The following GFRAL variants were observed in gnomAD, a reference collection of about 807,000 sequenced individuals.
GFRAL encodes GDNF family receptor alpha-like.
In GFRAL, 36 loss-of-function variants were observed where a neutral mutation model predicts 45.4. The observed-to-expected ratio is 0.79, with a 90% confidence interval of 0.61 to 1.05. The LOEUF is 1.05. Among genes scored for constraint, GFRAL ranks in the 50% least tolerant of loss-of-function variants. GFRAL has a pLI of 0.00. For synonymous variants in GFRAL, 166 were observed against 154.1 expected, an observed-to-expected ratio of 1.08 and a Z score of -0.57; for missense variants, 507 against 467.5, an observed-to-expected ratio of 1.08 and a Z score of -0.78.
At chr6:55,354,389 T>C (rs548799141) in intron 5 of GFRAL, among the ~76,000 whole-genome samples, 2 of 152,056 alleles carry the variant, frequency 1.3e-5, no homozygotes, top group South Asian at 4.1e-4. Context: ...AAAAACGTCA[T>C]CTCCCTTCCT....
intron 6 of GFRAL, among the ~76,000 whole-genome samples, chr6:55,380,944 A>G (rs1768600043): frequency 6.6e-6 from 1 of 151,962 alleles, no homozygotes; most frequent in Non-Finnish European, 1.5e-5. Flanking sequence ...TTTGAGCAAA[A>G]GAATCAGGAA....
At chr6:55,343,738 A>G (rs1768001594) in intron 3 of GFRAL, among the ~76,000 whole-genome samples, 1 of 152,236 alleles carries the variant, frequency 6.6e-6, no homozygotes, top group Admixed American at 6.5e-5. Flanking sequence ...TGAATCCAGT[A>G]ACTGGTTTTT....
At chr6:55,395,076 G>A (rs984423308) in intron 6 of GFRAL, among the ~76,000 whole-genome samples, 31 of 149,886 alleles carry the variant, frequency 2.1e-4, no homozygotes, top group African/African-American at 5.7e-4. Context: ...CTCATCATTC[G>A]AAATGACTGT....
In GFRAL at chr6:55,373,039, C is replaced by CA. The variant is rs1338634238; in HGVS notation, c.952+13904dup. On this transcript the variant is annotated intron_variant, in intron 6 of 8. Transcript: ENST00000340465. ...CACAGACACCAAACACTAACACACC[C>CA]AAACCCCCACTATAAACCTACATAT... Among the ~76,000 whole-genome samples the CA allele has an allele frequency of 8.0e-5, 12 of 150,842 alleles. No individual in the cohort carries two copies. In the East Asian group the frequency reaches 2.4e-3, roughly 30 times the overall value.
chr6:55,398,262 ATAGT>A (rs1213168756), intron 6 of GFRAL, among the ~76,000 whole-genome samples: 1 of 152,296 alleles, frequency 6.6e-6, no homozygotes, highest in South Asian at 2.1e-4. Context: ...CTGTCTACTC[ATAGT>A]TAGTGTCAGG....
At chr6:55,365,362 A>C (rs1768346481) in intron 6 of GFRAL, among the ~76,000 whole-genome samples, 1 of 135,728 alleles carries the variant, frequency 7.4e-6, no homozygotes. Flanking sequence ...GGTTTTCTAG[A>C]TATACAATCA....
At chr6:55,336,790 C>G (rs888329508) in intron 3 of GFRAL, among the ~76,000 whole-genome samples, 2 of 152,052 alleles carry the variant, frequency 1.3e-5, no homozygotes, top group Non-Finnish European at 2.9e-5. Context: ...GACATCTTAC[C>G]TTTTCACCTG....
chr6:55,347,614 A>G (rs1768060147), intron 3 of GFRAL, among the ~76,000 whole-genome samples: 1 of 152,172 alleles, frequency 6.6e-6, no homozygotes, highest in Non-Finnish European at 1.5e-5. Context: ...AAGGATGAAT[A>G]ATTAATATTT....
At chr6:55,329,293 G>T (rs749291602) in intron 1 of GFRAL, among the ~76,000 whole-genome samples, 5 of 152,056 alleles carry the variant, frequency 3.3e-5, no homozygotes, top group Non-Finnish European at 7.4e-5. Context: ...ACCAAAAACT[G>T]AAAATGTGAA....
chr6:55,380,989 A>G (rs1768600613), intron 6 of GFRAL, among the ~76,000 whole-genome samples: 1 of 151,976 alleles, frequency 6.6e-6, no homozygotes, highest in Admixed American at 6.6e-5. Context: ...TCACTTTAAT[A>G]AAAACATTTC....
At chr6:55,360,253 GCCCCTAC>G (rs1457743516) in intron 6 of GFRAL, among the ~76,000 whole-genome samples, 1 of 151,742 alleles carries the variant, frequency 6.6e-6, no homozygotes, top group Admixed American at 6.6e-5. Flanking sequence ...ACTTCCCCAG[GCCCCTAC>G]CCCTAGATCC....
At chr6:55,390,096 G>A (rs139521552) in intron 6 of GFRAL, among the ~76,000 whole-genome samples, 50 of 152,312 alleles carry the variant, frequency 3.3e-4, no homozygotes, top group South Asian at 6.2e-4. Context: ...GTTCTTCAAC[G>A]CTCTCCTGAC....
At chr6:55,379,595 A>T (rs1768579560) in intron 6 of GFRAL, among the ~76,000 whole-genome samples, 1 of 115,150 alleles carries the variant, frequency 8.7e-6, no homozygotes. Context: ...ACACACACAC[A>T]CAAACTGTGG....
intron 6 of GFRAL, among the ~76,000 whole-genome samples, chr6:55,395,174 A>AT (rs1561868504): frequency 0.024 from 3,028 of 124,554 alleles, 39 homozygotes; most frequent in African/African-American, 0.027. Context: ...AAAAAAAAAA[A>AT]AATATATATA....
At chr6:55,346,566 T>A (rs1768044947) in intron 3 of GFRAL, among the ~76,000 whole-genome samples, 1 of 151,832 alleles carries the variant, frequency 6.6e-6, no homozygotes, top group South Asian at 2.1e-4. Context: ...GGGGGAGGGA[T>A]AGCATTAGGA....
intron 6 of GFRAL, among the ~76,000 whole-genome samples, chr6:55,360,224 C>T (rs912325192): frequency 6.6e-6 from 1 of 151,928 alleles, no homozygotes; most frequent in South Asian, 2.1e-4. Flanking sequence ...TTAGACCATG[C>T]AACCTTCGAC....
intron 6 of GFRAL, among the ~76,000 whole-genome samples, chr6:55,395,175 A>T (rs13205556): frequency 0.32 from 39,546 of 123,362 alleles, 7,043 homozygotes; most frequent in Admixed American, 0.47. Context: ...AAAAAAAAAA[A>T]ATATATATAT....
At chr6:55,345,226 G>A (rs9688489) in intron 3 of GFRAL, among the ~76,000 whole-genome samples, 2,314 of 152,134 alleles carry the variant, frequency 0.015, 66 homozygotes, top group African/African-American at 0.051. Context: ...AAAAGGGCCC[G>A]CATTGCCAAG....
intron 3 of GFRAL, among the ~76,000 whole-genome samples, chr6:55,335,812 C>T (rs977135505): frequency 6.6e-6 from 1 of 152,180 alleles, no homozygotes; most frequent in African/African-American, 2.4e-5. Context: ...CTTACTATAG[C>T]TTCACAGAAA....
Sources: gnomAD v4.1 joint callset for allele counts (sites outside exome capture counted in the v4.1 genomes callset) on GRCh38, gnomAD v4.1.1 for gene constraint, MANE v1.5 for transcripts, NCBI Gene and HGNC (gene_info 2026-07-23, HGNC 2026-07-21) for gene names.